The following SCD5 variants were observed in gnomAD, a reference collection of about 807,000 sequenced individuals.
SCD5 encodes stearoyl-CoA desaturase 5.
Under a neutral mutation model 30.4 loss-of-function variants are expected in SCD5, and 20 were observed. The ratio of observed to expected loss-of-function variants is 0.66; its 90% CI spans 0.46 to 0.96. SCD5 has a LOEUF of 0.96. Among genes scored for constraint, SCD5 ranks in the 40% least tolerant of loss-of-function variants. The pLI, the probability that SCD5 is intolerant of heterozygous loss-of-function variation, is 0.00. For missense variants in SCD5, 381 were observed against 443.3 expected, an observed-to-expected ratio of 0.86 and a Z score of 1.26; for synonymous variants, 173 against 176.4, an observed-to-expected ratio of 0.98 and a Z score of 0.16.
intron 1 of SCD5, among the ~76,000 whole-genome samples, chr4:82,708,366 C>T (rs1367989706): frequency 6.6e-6 from 1 of 152,118 alleles, no homozygotes; most frequent in Non-Finnish European, 1.5e-5. Flanking sequence ...CAATCAAAAA[C>T]CAACCATTGG....
chr4:82,712,119 T>C (rs1720102516), intron 1 of SCD5, among the ~76,000 whole-genome samples: 1 of 148,470 alleles, frequency 6.7e-6, no homozygotes, highest in Non-Finnish European at 1.5e-5. Flanking sequence ...ATCTTATAGA[T>C]GAAGAAAACT....
chr4:82,729,440 C>G (rs1320396113), intron 1 of SCD5, among the ~76,000 whole-genome samples: 1 of 152,144 alleles, frequency 6.6e-6, no homozygotes, highest in African/African-American at 2.4e-5. Context: ...CAACTATAAG[C>G]TTCCTGAGAG....
chr4:82,729,124 G>T (rs4693503), intron 1 of SCD5, among the ~76,000 whole-genome samples: 63,740 of 152,016 alleles, frequency 0.42, 13,855 homozygotes, highest in African/African-American at 0.53. Flanking sequence ...TCTTCTTTGA[G>T]CCTCCAAAAG....
rs34077562 is a variant in SCD5 at position 82,740,933 on chromosome 4, CTT to C, written c.233-35522_233-35521del. Among the ~76,000 whole-genome samples, 211 of 143,574 alleles carry C rather than the reference CTT, an allele frequency of 1.5e-3. 2 individuals are homozygous for C. In the South Asian group the frequency reaches 0.019, roughly 13 times the overall value. The allele number at this position is 143,574 out of a possible 152,430, so 94.2% of individuals were successfully genotyped here. A position where few individuals can be genotyped will look rare whatever the true frequency, so the allele number is the denominator to read the frequency against. On this transcript the variant is annotated intron_variant, in intron 1 of 4. Transcript: ENST00000319540. ...TAAGGTGGAGTCTCTTTTCCCAATT[CTT>C]TTTTTTTTTTTTCTTTTGAGACAGG...
chr4:82,709,509 C>A (rs184823919), intron 1 of SCD5, among the ~76,000 whole-genome samples: 7 of 152,122 alleles, frequency 4.6e-5, no homozygotes, highest in Admixed American at 4.6e-4. Context: ...TTTGGGGGGC[C>A]AAAGAAGGCT....
chr4:82,782,238 A>T (rs1402345279), intron 1 of SCD5, among the ~76,000 whole-genome samples: 1 of 151,884 alleles, frequency 6.6e-6, no homozygotes, highest in Admixed American at 6.6e-5. Context: ...TGATTATAAA[A>T]GTCTCCAGAG....
chr4:82,763,571 C>T (rs913896631), intron 1 of SCD5, among the ~76,000 whole-genome samples: 3 of 152,154 alleles, frequency 2.0e-5, no homozygotes, highest in Non-Finnish European at 2.9e-5. Flanking sequence ...ATCTGACTGG[C>T]ATCATAAGAG....
intron 1 of SCD5, among the ~76,000 whole-genome samples, chr4:82,746,031 G>A (rs1307064574): frequency 1.3e-5 from 2 of 152,180 alleles, no homozygotes; most frequent in Non-Finnish European, 2.9e-5. Context: ...TATCTATAAA[G>A]GGCATAGAGC....
At chr4:82,746,062 T>C (rs1378321526) in intron 1 of SCD5, among the ~76,000 whole-genome samples, 1 of 152,214 alleles carries the variant, frequency 6.6e-6, no homozygotes, top group South Asian at 2.1e-4. Flanking sequence ...TCACAATAAG[T>C]GCTATATGAG....
chr4:82,774,451 A>C (rs1426562798), intron 1 of SCD5, among the ~76,000 whole-genome samples: 42 of 152,236 alleles, frequency 2.8e-4, no homozygotes, highest in Admixed American at 2.7e-3. Context: ...GCTATAGCCC[A>C]AAATGTTAAT....
chr4:82,744,268 C>T (rs1460372144), intron 1 of SCD5, among the ~76,000 whole-genome samples: 3 of 152,208 alleles, frequency 2.0e-5, no homozygotes, highest in Non-Finnish European at 2.9e-5. Context: ...GTTCCCCAGA[C>T]GGTTACCCAT....
chr4:82,655,004 C>T (rs1727841255), intron 3 of SCD5, among the ~76,000 whole-genome samples: 1 of 152,046 alleles, frequency 6.6e-6, no homozygotes. Flanking sequence ...AAGAGAAGGC[C>T]CTCACCATGC....
intron 1 of SCD5, among the ~76,000 whole-genome samples, chr4:82,796,066 T>G (rs371532863): frequency 6.6e-6 from 1 of 151,420 alleles, no homozygotes; most frequent in South Asian, 2.1e-4. Context: ...GTCAGGAGAT[T>G]GAGACCATCC....
At chr4:82,776,462 T>A (rs1028050980) in intron 1 of SCD5, among the ~76,000 whole-genome samples, 3 of 152,120 alleles carry the variant, frequency 2.0e-5, no homozygotes, top group Non-Finnish European at 4.4e-5. Context: ...AAACTGAACA[T>A]GGTTGAGTGA....
intron 3 of SCD5, among the ~76,000 whole-genome samples, chr4:82,651,890 G>A (rs1182637116): frequency 1.3e-5 from 2 of 152,212 alleles, no homozygotes; most frequent in Non-Finnish European, 2.9e-5. Flanking sequence ...TTCAGCCTGG[G>A]TGACAAGAGC....
Position 82,755,431 on chromosome 4 carries a change from C to T in SCD5, c.232+42875G>A, listed in dbSNP as rs929195430. On this transcript the variant is annotated intron_variant, in intron 1 of 4. Coordinates refer to ENST00000319540, the MANE Select transcript of SCD5 (RefSeq NM_001037582.3). ...AGGGGAATCATTTGAACCTGGGAGG[C>T]GGAGGTTGCAGTGAGCTGAGATCAC... Among the ~76,000 whole-genome samples the T allele has an allele frequency of 9.9e-5, 15 of 152,174 alleles. No individual in the cohort carries two copies. In the East Asian group the frequency reaches 2.3e-3, roughly 24 times the overall value.
chr4:82,694,078 G>A (rs981782963), intron 2 of SCD5, among the ~76,000 whole-genome samples: 2 of 152,214 alleles, frequency 1.3e-5, no homozygotes, highest in African/African-American at 4.8e-5. Context: ...CCAGAGCATG[G>A]GCAGCAGCCT....
intron 2 of SCD5, among the ~76,000 whole-genome samples, chr4:82,693,762 G>A (rs72661271): frequency 0.13 from 20,377 of 152,150 alleles, 1,585 homozygotes; most frequent in East Asian, 0.4. Flanking sequence ...TCCCCCAGAC[G>A]GACACAGAGG....
intron 3 of SCD5, among the ~76,000 whole-genome samples, chr4:82,663,312 A>G (rs757742273): frequency 1.3e-5 from 2 of 152,226 alleles, no homozygotes; most frequent in Admixed American, 6.5e-5. Flanking sequence ...TTGAAGGTCA[A>G]TATGGGATAG....
Sources: gnomAD v4.1 joint callset for allele counts (sites outside exome capture counted in the v4.1 genomes callset) on GRCh38, gnomAD v4.1.1 for gene constraint, MANE v1.5 for transcripts, NCBI Gene and HGNC (gene_info 2026-07-23, HGNC 2026-07-21) for gene names.